The following SORCS3 variants were observed in gnomAD, a reference collection of about 807,000 sequenced individuals.
SORCS3 encodes VPS10 domain-containing receptor SorCS3.
In SORCS3, 57 loss-of-function variants were observed where a neutral mutation model predicts 146.3. The ratio of observed to expected loss-of-function variants is 0.39; its 90% CI spans 0.31 to 0.49. The LOEUF (loss-of-function observed/expected upper bound fraction) is 0.49. Ranked by LOEUF, SORCS3 falls within the 20% of genes least tolerant of loss-of-function variation. The pLI, the probability that SORCS3 is intolerant of heterozygous loss-of-function variation, is 0.92. For missense variants in SORCS3, 1,341 were observed against 1,575.5 expected (o/e 0.85, Z 2.52); for synonymous variants, 653 against 618.5 (o/e 1.06, Z -0.83).
intron 13 of SORCS3, among the ~76,000 whole-genome samples, chr10:105,168,830 G>T (rs932790361): frequency 1.3e-5 from 2 of 152,156 alleles, no homozygotes; most frequent in African/African-American, 4.8e-5. Context: ...CTACCACTAT[G>T]ATATGGAGAG....
At chr10:104,810,270 A>G (rs970596438) in intron 1 of SORCS3, among the ~76,000 whole-genome samples, 3 of 152,260 alleles carry the variant, frequency 2.0e-5, no homozygotes, top group African/African-American at 7.2e-5. Context: ...TGAGGGAAAC[A>G]GAAATGGCCT....
chr10:104,949,328 G>A (rs916146677), intron 3 of SORCS3, among the ~76,000 whole-genome samples: 1 of 152,156 alleles, frequency 6.6e-6, no homozygotes, highest in African/African-American at 2.4e-5. Context: ...AAGAGAAATA[G>A]TTTTGAATGT....
rs11192176 is a variant in SORCS3 at position 104,736,610 on chromosome 10, G to T, written c.627+94656G>T. On this transcript the variant is annotated intron_variant, in intron 1 of 26. Coordinates refer to ENST00000369701, the MANE Select transcript of SORCS3 (RefSeq NM_014978.3). ...TATGGCATTATAGTAATTTTTTGCA[G>T]TATATTGTACTAAATGGTTTTTCTG... is the stretch of plus-strand genomic sequence containing the variant. 6.6e-5 allele frequency among the ~76,000 whole-genome samples: 10 copies of T among 152,250 alleles called. No individual in the cohort carries two copies. In the South Asian group the frequency reaches 2.1e-3, roughly 32 times the overall value.
intron 1 of SORCS3, among the ~76,000 whole-genome samples, chr10:104,654,313 T>C (rs1223061699): frequency 1.3e-5 from 2 of 152,242 alleles, no homozygotes; most frequent in Non-Finnish European, 2.9e-5. Context: ...CTTTTGAGTA[T>C]ATAACCAGCA....
intron 1 of SORCS3, among the ~76,000 whole-genome samples, chr10:104,743,074 T>C (rs1470770051): frequency 6.6e-6 from 1 of 152,164 alleles, no homozygotes; most frequent in Non-Finnish European, 1.5e-5. Context: ...GAACATGTAT[T>C]GTTATTCCAT....
chr10:104,986,229 G>A (rs568520574), intron 4 of SORCS3, among the ~76,000 whole-genome samples: 1 of 152,336 alleles, frequency 6.6e-6, no homozygotes, highest in Admixed American at 6.5e-5. Context: ...TCACTTGTAT[G>A]TTATGGAGAT....
chr10:105,089,191 G>C (rs1337995057), intron 5 of SORCS3, among the ~76,000 whole-genome samples: 1 of 152,180 alleles, frequency 6.6e-6, no homozygotes, highest in African/African-American at 2.4e-5. Flanking sequence ...GGAGAATTTT[G>C]TCCGTGTCAG....
At chr10:105,149,647 A>T (rs2056154899) in intron 9 of SORCS3, among the ~76,000 whole-genome samples, 1 of 152,180 alleles carries the variant, frequency 6.6e-6, no homozygotes, top group South Asian at 2.1e-4. Flanking sequence ...TAAGACTGTG[A>T]TTCATGTCCC....
intron 18 of SORCS3, among the ~76,000 whole-genome samples, chr10:105,216,266 C>T (rs1235693360): frequency 6.6e-6 from 1 of 152,118 alleles, no homozygotes; most frequent in Non-Finnish European, 1.5e-5. Flanking sequence ...TGGGAATCGC[C>T]ATCCTATCCC....
At chr10:104,996,632 A>G (rs141950784) in intron 4 of SORCS3, among the ~76,000 whole-genome samples, 97 of 152,310 alleles carry the variant, frequency 6.4e-4, no homozygotes, top group African/African-American at 2.3e-3. Flanking sequence ...TCAAGTGCCC[A>G]TGGAACATTT....
intron 5 of SORCS3, among the ~76,000 whole-genome samples, chr10:105,045,699 A>T (rs2055367576): frequency 6.6e-6 from 1 of 152,112 alleles, no homozygotes; most frequent in South Asian, 2.1e-4. Flanking sequence ...CTTAAGTGGG[A>T]CCTCTTTAAC....
intron 22 of SORCS3, among the ~76,000 whole-genome samples, 184 bp downstream of exon 22, chr10:105,247,515 C>T (rs1298358231): frequency 2.0e-5 from 3 of 152,110 alleles, no homozygotes. Context: ...TTTGGGAGGC[C>T]AAGGCAGGCA....
intron 5 of SORCS3, among the ~76,000 whole-genome samples, chr10:105,063,628 T>C (rs2055502534): frequency 6.6e-6 from 1 of 152,224 alleles, no homozygotes; most frequent in Admixed American, 6.5e-5. Flanking sequence ...TACATGTTTT[T>C]GGTGGAGGTA....
At chr10:105,146,771 G>A (rs1253239066) in intron 8 of SORCS3, among the ~76,000 whole-genome samples, 1 of 151,952 alleles carries the variant, frequency 6.6e-6, no homozygotes, top group African/African-American at 2.4e-5. Context: ...CAGTAAAATG[G>A]GAATAATCAT....
intron 2 of SORCS3, among the ~76,000 whole-genome samples, chr10:104,911,949 A>G (rs114376230): frequency 6.6e-6 from 1 of 152,312 alleles, no homozygotes; most frequent in South Asian, 2.1e-4. Context: ...AACTTGTTAG[A>G]TTAGTAACAA....
chr10:105,225,308 A>G (rs2056727773), intron 20 of SORCS3, among the ~76,000 whole-genome samples: 1 of 152,082 alleles, frequency 6.6e-6, no homozygotes, highest in East Asian at 1.9e-4. Context: ...GTGGATATCC[A>G]GTTGTTCAAG....
At chr10:104,718,731 G>A (rs1477258228) in intron 1 of SORCS3, among the ~76,000 whole-genome samples, 1 of 152,218 alleles carries the variant, frequency 6.6e-6, no homozygotes, top group Non-Finnish European at 1.5e-5. Flanking sequence ...ATAACAGAAG[G>A]AAACTCAGTT....
intron 6 of SORCS3, among the ~76,000 whole-genome samples, chr10:105,094,140 T>G (rs2055729432): frequency 6.6e-6 from 1 of 152,206 alleles, no homozygotes; most frequent in Non-Finnish European, 1.5e-5. Flanking sequence ...TTATTCCATT[T>G]ATGTGATCTT....
chr10:105,163,070 C>G (rs1384723197), intron 11 of SORCS3, among the ~76,000 whole-genome samples: 4 of 152,088 alleles, frequency 2.6e-5, no homozygotes. Flanking sequence ...TGGATCTACT[C>G]ACCAAGCCTC....
Sources: allele counts gnomAD v4.1 joint callset (sites outside exome capture counted in the v4.1 genomes callset), GRCh38; gene constraint gnomAD v4.1.1; transcripts MANE v1.5; gene names NCBI Gene and HGNC (gene_info 2026-07-23, HGNC 2026-07-21).